The following CACNA1D variants were observed in gnomAD, a reference collection of about 807,000 sequenced individuals.
CACNA1D encodes calcium voltage-gated channel subunit alpha1 D.
In CACNA1D, 55 loss-of-function variants were observed where a neutral mutation model predicts 257.1. The observed-to-expected ratio is 0.21, with a 90% CI of 0.17 to 0.27. The LOEUF is 0.27. CACNA1D is among the 10% of genes least tolerant of loss of function. The pLI, the probability that CACNA1D is intolerant of heterozygous loss-of-function variation, is 1.00. For missense variants in CACNA1D, 1,876 were observed against 2,784.0 expected (o/e 0.67, Z 7.34); for synonymous variants, 980 against 1,014.9 (o/e 0.97, Z 0.65).
chr3:53,617,319 C>T (rs1015466609), intron 3 of CACNA1D, among the ~76,000 whole-genome samples: 2 of 152,100 alleles, frequency 1.3e-5, no homozygotes, highest in African/African-American at 4.8e-5. Flanking sequence ...TGAGGGGAGG[C>T]AGGAGGAGGT....
Position 53,666,188 on chromosome 3 carries a change from A to G in CACNA1D, c.920-151A>G, listed in dbSNP as rs1400955980. 8 of 797,848 alleles carry G rather than the reference A, an allele frequency of 1.0e-5. No individual in the cohort carries two copies. The East Asian group carries it at 1.7e-4, about 17-fold the overall frequency. 49.4% of individuals were successfully genotyped at this position (797,848 alleles called of 1,614,324 possible). On this transcript the variant is annotated intron_variant, in intron 6 of 47. Transcript: ENST00000350061. ...GATTCCGCTAAGGAGGGAGCATTTGAAGGGAACCTTGAAGGACAAGCAGGA... is the reference window on the plus strand; with the variant it reads ...GATTCCGCTAAGGAGGGAGCATTTGGAGGGAACCTTGAAGGACAAGCAGGA...
intron 40 of CACNA1D, chr3:53,791,170 G>A (rs928713509): frequency 1.3e-5 from 8 of 619,832 alleles, no homozygotes; most frequent in Non-Finnish European, 2.0e-5. Context: ...TCCAAGCAAA[G>A]CACTCCTCCG....
At position 53,723,725 on chromosome 3, in the gene CACNA1D, G is replaced by A. The variant is rs531965184; in HGVS notation, c.1892+66G>A. 2,324 of 1,569,660 alleles carry A rather than the reference G, an allele frequency of 1.5e-3. 5 individuals carry two copies. Among genetic ancestry groups the A allele is most frequent in the African/African-American group, 3.2e-3 (238 of 74,088 alleles). ...TGAGGCGGCAACCAGTCACATCCCC[G>A]GGCAGGTGATGTTCTGCTCTGTCCT... On this transcript the variant is annotated intron_variant, in intron 13 of 47. Coordinates refer to ENST00000350061, the MANE Select transcript of CACNA1D (RefSeq NM_001128840.3). This position sits in a 1 kb window ranked among gnomAD's most constrained non-coding sequence, Gnocchi z 5.6.
intron 8 of CACNA1D, among the ~76,000 whole-genome samples, chr3:53,697,147 A>G (rs866174919): frequency 6.6e-6 from 1 of 152,206 alleles, no homozygotes; most frequent in Admixed American, 6.5e-5. Context: ...TAGAGACAGA[A>G]GATCTACCAC....
intron 3 of CACNA1D, among the ~76,000 whole-genome samples, chr3:53,590,419 A>G (rs1331379260): frequency 6.6e-6 from 1 of 152,100 alleles, no homozygotes; most frequent in African/African-American, 2.4e-5. Flanking sequence ...TCTGTTCAAC[A>G]CCTGGCCCAG....
At chr3:53,612,787 C>T (rs1329258438) in intron 3 of CACNA1D, among the ~76,000 whole-genome samples, 2 of 152,128 alleles carry the variant, frequency 1.3e-5, no homozygotes, top group African/African-American at 2.4e-5. Context: ...CTGGGGCAGT[C>T]GTGAAGCTCA....
At chr3:53,758,851 G>A (rs867223596) in intron 29 of CACNA1D, among the ~76,000 whole-genome samples, 25 of 152,248 alleles carry the variant, frequency 1.6e-4, no homozygotes, top group Non-Finnish European at 2.5e-4. Context: ...GTTAGGAGCC[G>A]TGTCATTTCT....
intron 8 of CACNA1D, among the ~76,000 whole-genome samples, chr3:53,681,211 T>C (rs1279746657): frequency 6.6e-6 from 1 of 152,196 alleles, no homozygotes; most frequent in Non-Finnish European, 1.5e-5. Flanking sequence ...CAGAGCTGTA[T>C]TTTTGAGACT....
In CACNA1D at chr3:53,770,465, T is replaced by G. The variant is rs2109003259; in HGVS notation, c.3957T>G (p.Arg1319=). Residue 1319 remains arginine (R), a synonymous_variant, in exon 32 of 48, where the codon CGT becomes CGG. Transcript: ENST00000350061. ...ESNRISITFF[R]LFRVMRLVKL... is the part of the protein sequence containing the mutation. ...ATAGAATCTCCATCACCTTTTTCCG[T>G]CTTTTCCGAGTGATGCGATTGGTGA... 6.2e-7 allele frequency: 1 copy of G among 1,613,802 alleles called. No individual in the cohort carries two copies. Among genetic ancestry groups the G allele is most frequent in the Non-Finnish European group, 8.5e-7 (1 of 1,179,690 alleles).
At chr3:53,665,862 C>T (rs1219077258) in intron 6 of CACNA1D, 50 bp downstream of exon 6, 2 of 1,465,708 alleles carry the variant, frequency 1.4e-6, no homozygotes, top group African/African-American at 2.8e-5. Context: ...TTTTTGTTTT[C>T]CCCAAAGCAA....
chr3:53,515,151 A>C (rs554338770), intron 3 of CACNA1D, among the ~76,000 whole-genome samples: 12 of 152,106 alleles, frequency 7.9e-5, no homozygotes, highest in Non-Finnish European at 1.5e-4. Context: ...GTCCGGGGTA[A>C]AAAGTTCAAA....
intron 3 of CACNA1D, among the ~76,000 whole-genome samples, chr3:53,592,870 G>T (rs970420883): frequency 2.0e-5 from 3 of 152,104 alleles, no homozygotes; most frequent in African/African-American, 7.2e-5. Context: ...TGTATTTTTA[G>T]TAGAGACGGG....
At chr3:53,686,769 T>G (rs2094476813) in intron 8 of CACNA1D, among the ~76,000 whole-genome samples, 1 of 152,042 alleles carries the variant, frequency 6.6e-6, no homozygotes, top group Non-Finnish European at 1.5e-5. Flanking sequence ...TTTTTCTATC[T>G]TCTTTTATTC....
At chr3:53,557,566 G>T (rs1056132749) in intron 3 of CACNA1D, among the ~76,000 whole-genome samples, 12 of 152,192 alleles carry the variant, frequency 7.9e-5, no homozygotes, top group Non-Finnish European at 1.3e-4. Flanking sequence ...ATGAAGTTTA[G>T]GTTGAAGTGC....
chr3:53,656,460 G>T (rs2094148619), intron 4 of CACNA1D, among the ~76,000 whole-genome samples: 1 of 152,042 alleles, frequency 6.6e-6, no homozygotes, highest in African/African-American at 2.4e-5. Flanking sequence ...TCTTTGAGCA[G>T]TGTAAAACCA....
chr3:53,640,061 G>A (rs185146782), intron 3 of CACNA1D, among the ~76,000 whole-genome samples: 5 of 151,788 alleles, frequency 3.3e-5, no homozygotes, highest in South Asian at 2.1e-4. Flanking sequence ...AGGTTTCACC[G>A]TGTTTGGCCA....
intron 3 of CACNA1D, among the ~76,000 whole-genome samples, chr3:53,518,035 A>C (rs2091412339): frequency 6.6e-6 from 1 of 152,250 alleles, no homozygotes; most frequent in Non-Finnish European, 1.5e-5. Flanking sequence ...TAACTGAAGT[A>C]ATGGATTTGG....
At chr3:53,702,420 T>C (rs1436640388) in intron 8 of CACNA1D, among the ~76,000 whole-genome samples, 3 of 152,122 alleles carry the variant, frequency 2.0e-5, no homozygotes, top group Admixed American at 1.3e-4. Flanking sequence ...AAATGATGCA[T>C]GTGTGTTGGT....
chr3:53,584,351 C>T (rs1039949522), intron 3 of CACNA1D, among the ~76,000 whole-genome samples: 24 of 152,168 alleles, frequency 1.6e-4, no homozygotes, highest in Admixed American at 1.4e-3. Flanking sequence ...TGGAGATGTG[C>T]GCTGGCATGG....
Sources: allele counts gnomAD v4.1 joint callset (sites outside exome capture counted in the v4.1 genomes callset), GRCh38; gene constraint gnomAD v4.1.1; non-coding constraint Gnocchi (gnomAD v3.1); transcripts MANE v1.5; gene names NCBI Gene and HGNC (gene_info 2026-07-23, HGNC 2026-07-21).